PDGFRA: variants seen among roughly 807,000 people sequenced by gnomAD.
The protein encoded by PDGFRA is platelet-derived growth factor receptor alpha.
In PDGFRA, 25 loss-of-function variants were observed where a neutral mutation model predicts 121.5. The ratio of observed to expected loss-of-function variants is 0.21; its 90% CI spans 0.15 to 0.29. The LOEUF (loss-of-function observed/expected upper bound fraction) is 0.29, where lower values mean the gene tolerates loss of function less well. Among genes scored for constraint, PDGFRA ranks in the 10% least tolerant of loss-of-function variants. PDGFRA has a pLI of 1.00. For missense variants in PDGFRA, 1,008 were observed against 1,345.1 expected (o/e 0.75, Z 3.92); for synonymous variants, 463 against 494.8 (o/e 0.94, Z 0.85).
intron 22 of PDGFRA, among the ~76,000 whole-genome samples, chr4:54,293,448 T>TTTGG (rs1724729381): frequency 6.7e-6 from 1 of 148,620 alleles, no homozygotes; most frequent in Non-Finnish European, 1.5e-5. Flanking sequence ...TTTTTTTTTT[T>TTTGG]GAGATGGAGT....
chr4:54,241,596 C>T (rs1040797018), intron 1 of PDGFRA, among the ~76,000 whole-genome samples: 3 of 151,786 alleles, frequency 2.0e-5, no homozygotes, highest in African/African-American at 7.3e-5. Flanking sequence ...GTTGCCCAGG[C>T]TGGAGTGCAA....
intron 5 of PDGFRA, 68 bp downstream of exon 5, chr4:54,265,117 C>T: frequency 6.7e-7 from 1 of 1,485,124 alleles, no homozygotes. Context: ...TGCATTTGAG[C>T]TCGGTCTGTC....
chr4:54,297,552 G>A lies in PDGFRA; in HGVS notation c.*2280G>A, dbSNP rs777087386. The A allele has an allele frequency of 5.6e-5, 13 of 233,464 alleles. No homozygotes were observed. Among genetic ancestry groups the A allele is most frequent in the Non-Finnish European group, 9.3e-5 (11 of 118,042 alleles). The allele number at this position is 233,464 out of a possible 1,614,324, so 14.5% of individuals were successfully genotyped here. A position where few individuals can be genotyped will look rare whatever the true frequency, so the allele number is the denominator to read the frequency against. Reference sequence around the variant, plus strand: ...TGTTGGTGCTTTGCATTTTGATATTGCTGTGAGCCTTGCATGACATCATGA... The same window carrying A: ...TGTTGGTGCTTTGCATTTTGATATTACTGTGAGCCTTGCATGACATCATGA... On this transcript the variant is annotated 3_prime_UTR_variant, in exon 23 of 23. Coordinates refer to ENST00000257290, the MANE Select transcript of PDGFRA (RefSeq NM_006206.6).
At chr4:54,235,605 C>T (rs1468608702) in intron 1 of PDGFRA, among the ~76,000 whole-genome samples, 2 of 152,210 alleles carry the variant, frequency 1.3e-5, no homozygotes, top group African/African-American at 4.8e-5. Context: ...CCACACCAGG[C>T]TGGAGGTAAC....
rs539912554 is a variant in PDGFRA at position 54,298,003 on chromosome 4, T to C, written c.*2731T>C. On this transcript the variant is annotated 3_prime_UTR_variant, in exon 23 of 23. Coordinates refer to ENST00000257290, the MANE Select transcript of PDGFRA (RefSeq NM_006206.6). ...TTCGTTTATATTTTTTTAACTGTGA[T>C]AATCCCCACAGGCACATTAACTGTT... The C allele has an allele frequency of 8.7e-6, 2 of 231,146 alleles. No homozygotes were observed. The highest frequency in any genetic ancestry group is 4.4e-5 in the African/African-American group (2 of 45,318). 14.3% of individuals were successfully genotyped at this position (231,146 alleles called of 1,614,324 possible).
intron 1 of PDGFRA, among the ~76,000 whole-genome samples, chr4:54,244,476 A>G (rs1721505011): frequency 6.6e-6 from 1 of 152,252 alleles, no homozygotes; most frequent in Admixed American, 6.5e-5. Flanking sequence ...GTGGACCTTT[A>G]GCAAACTCCA....
At chr4:54,293,203 C>T (rs966728953) in intron 22 of PDGFRA, among the ~76,000 whole-genome samples, 11 of 152,004 alleles carry the variant, frequency 7.2e-5, no homozygotes, top group African/African-American at 2.4e-4. Context: ...TTCCCACAAT[C>T]GGCATTTTGC....
At chr4:54,286,046 G>A (rs1035404866) in intron 18 of PDGFRA, 83 bp downstream of exon 18, 46 of 1,419,300 alleles carry the variant, frequency 3.2e-5, no homozygotes, top group Middle Eastern at 1.7e-4. Flanking sequence ...TAGAGATTCG[G>A]TGCCTGTTTT....
chr4:54,268,415 G>C (rs1723158768), intron 7 of PDGFRA, among the ~76,000 whole-genome samples: 1 of 152,120 alleles, frequency 6.6e-6, no homozygotes, highest in African/African-American at 2.4e-5. Flanking sequence ...GATATCATGA[G>C]GCCTCTTAAG....
chr4:54,273,513 T>C (rs1268024215), intron 9 of PDGFRA, 24 bp from the exon 10 acceptor site: 2 of 1,601,152 alleles, frequency 1.2e-6, no homozygotes, highest in African/African-American at 1.3e-5. Flanking sequence ...ATTGGCCCTA[T>C]ACTTAGGCCC....
chr4:54,289,825 T>G (rs986448008), intron 21 of PDGFRA, among the ~76,000 whole-genome samples: 6 of 152,224 alleles, frequency 3.9e-5, no homozygotes, highest in Non-Finnish European at 7.3e-5. Flanking sequence ...AGAAGGAAAT[T>G]AACCCTCAGT....
intron 7 of PDGFRA, among the ~76,000 whole-genome samples, chr4:54,268,299 T>C (rs7691129): frequency 0.18 from 27,187 of 152,158 alleles, 2,928 homozygotes; most frequent in Admixed American, 0.28. Context: ...CATCTCTTAA[T>C]TGGTGGTGGA....
chr4:54,256,883 G>T (rs1223190098), intron 1 of PDGFRA, among the ~76,000 whole-genome samples: 1 of 152,080 alleles, frequency 6.6e-6, no homozygotes, highest in Non-Finnish European at 1.5e-5. Context: ...GAGTGTGGTG[G>T]TGCAGGCCTG....
chr4:54,253,360 T>A (rs1020011330), intron 1 of PDGFRA, among the ~76,000 whole-genome samples: 1 of 152,212 alleles, frequency 6.6e-6, no homozygotes. Flanking sequence ...TAGAAGAGAC[T>A]GAGGTTCAGA....
chr4:54,267,563 A>G lies in PDGFRA; in HGVS notation c.943A>G (p.Ile315Val), dbSNP rs2110266368. 2.5e-6 allele frequency: 4 copies of G among 1,614,218 alleles called. No individual in the cohort carries two copies. In the South Asian group the frequency reaches 4.4e-5, roughly 18 times the overall value. Residue 315 changes from isoleucine to valine, a missense_variant, in exon 7 of 23, where the codon ATT becomes GTT. Ile to Val is a conservative substitution (Grantham distance 29, BLOSUM62 3). Coordinates refer to ENST00000257290, the MANE Select transcript of PDGFRA (RefSeq NM_006206.6). The part of the protein sequence containing the change: ...VTISVHEKGF[I>V]EIKPTFSQLE... ...TCTTCCCTGTACAGAGAAAGGTTTC[A>G]TTGAAATCAAACCCACCTTCAGCCA...
chr4:54,276,170 C>A (rs1391648595), intron 12 of PDGFRA, among the ~76,000 whole-genome samples: 1 of 152,106 alleles, frequency 6.6e-6, no homozygotes, highest in Non-Finnish European at 1.5e-5. Flanking sequence ...AGGACAGCAT[C>A]AGCTCCCTAT....
At chr4:54,273,442 C>T (rs2110290776) in intron 9 of PDGFRA, 95 bp from the exon 10 acceptor site, 1 of 961,244 alleles carries the variant, frequency 1.0e-6, no homozygotes. Context: ...CAGACAAGGT[C>T]CCAACTCCTT....
At chr4:54,294,997 G>A in intron 22 of PDGFRA, 128 bp from the exon 23 acceptor site, 2 of 912,184 alleles carry the variant, frequency 2.2e-6, no homozygotes, top group South Asian at 1.3e-5. Context: ...AGGCCTGGGG[G>A]CAGAATCTTG....
chr4:54,252,481 C>A (rs1178974193), intron 1 of PDGFRA, among the ~76,000 whole-genome samples: 1 of 152,178 alleles, frequency 6.6e-6, no homozygotes, highest in Non-Finnish European at 1.5e-5. Flanking sequence ...GTGCAGAGGT[C>A]CTGGTAAACA....
Sources: allele counts gnomAD v4.1 joint callset (sites outside exome capture counted in the v4.1 genomes callset), GRCh38; gene constraint gnomAD v4.1.1; transcripts MANE v1.5; gene names NCBI Gene and HGNC (gene_info 2026-07-23, HGNC 2026-07-21).